RNF115: variants seen among roughly 807,000 people sequenced by gnomAD.
RNF115 encodes ring finger protein 115.
Under a neutral mutation model 39.2 loss-of-function variants are expected in RNF115, and 31 were observed. The observed-to-expected ratio is 0.79, with a 90% confidence interval of 0.59 to 1.07. The LOEUF (loss-of-function observed/expected upper bound fraction) is 1.07. RNF115 is among the 50% of genes least tolerant of loss of function. The pLI, the probability that RNF115 is intolerant of heterozygous loss-of-function variation, is 0.00. For missense variants in RNF115, 384 were observed against 381.7 expected (o/e 1.01, Z -0.05); for synonymous variants, 124 against 131.0 (o/e 0.95, Z 0.37).
At chr1:145,759,848 CCTT>C (rs1658435704) in intron 4 of RNF115, among the ~76,000 whole-genome samples, 1 of 152,008 alleles carries the variant, frequency 6.6e-6, no homozygotes, top group Non-Finnish European at 1.5e-5. Context: ...ATTGGTCTCT[CCTT>C]GTTTGTCCAT....
intron 1 of RNF115, among the ~76,000 whole-genome samples, chr1:145,807,705 C>CTAGCTATT (rs1319262317): frequency 1.3e-5 from 2 of 152,134 alleles, no homozygotes; most frequent in Non-Finnish European, 2.9e-5. Context: ...ATCCTCTCAT[C>CTAGCTATT]TAGCTATTTT....
chr1:145,771,804 T>A lies in RNF115; in HGVS notation c.335A>T (p.Asp112Val). 1 of 1,614,122 alleles carries A rather than the reference T, an allele frequency of 6.2e-7. No individual in the cohort carries two copies. Among genetic ancestry groups the A allele is most frequent in the Middle Eastern group, 1.6e-4 (1 of 6,062 alleles). ...ANERGHQTHTDFWGARPPRLP... is the reference protein window; with the variant it reads ...ANERGHQTHTVFWGARPPRLP... Reference sequence around the variant, plus strand: ...CCGTGGAGGTCTTGCTCCCCAGAAGTCAGTGTGAGTCTGGTGACCCCTTTC... The same window carrying A: ...CCGTGGAGGTCTTGCTCCCCAGAAGACAGTGTGAGTCTGGTGACCCCTTTC... The change falls in exon 4 of 9, where the codon GAC becomes GTC. Residue 112 changes from aspartate to valine, a missense_variant. By Grantham distance (152) the Asp-to-Val change is radical. Transcript: ENST00000582693.
chr1:145,820,370 T>C (rs1462452044), intron 1 of RNF115, among the ~76,000 whole-genome samples: 2 of 151,476 alleles, frequency 1.3e-5, no homozygotes, highest in Non-Finnish European at 2.9e-5. Context: ...GAGGATATAG[T>C]GGGAGGACAC....
chr1:145,811,473 T>G (rs1649701845), intron 1 of RNF115, among the ~76,000 whole-genome samples: 1 of 144,216 alleles, frequency 6.9e-6, no homozygotes, highest in African/African-American at 2.5e-5. Context: ...GGTATTTAAG[T>G]TGCAAATACC....
chr1:145,819,800 G>C (rs1308274011), intron 1 of RNF115, among the ~76,000 whole-genome samples: 15 of 152,222 alleles, frequency 9.9e-5, no homozygotes, highest in Non-Finnish European at 1.5e-4. Context: ...CACTTTGGGG[G>C]GCCAAGGCAG....
intron 1 of RNF115, among the ~76,000 whole-genome samples, chr1:145,804,822 T>C (rs1277392671): frequency 6.6e-6 from 1 of 152,144 alleles, no homozygotes; most frequent in Non-Finnish European, 1.5e-5. Flanking sequence ...TTCCATGTCA[T>C]AAAAGGGGAA....
chr1:145,813,466 A>G (rs1649824360), intron 1 of RNF115, among the ~76,000 whole-genome samples: 1 of 152,116 alleles, frequency 6.6e-6, no homozygotes, highest in African/African-American at 2.4e-5. Flanking sequence ...AATTACATGC[A>G]GTGTTTCTAT....
chr1:145,747,083 C>G, intron 8 of RNF115, 86 bp from the exon 9 acceptor site: 2 of 1,353,228 alleles, frequency 1.5e-6, no homozygotes, highest in Non-Finnish European at 2.0e-6. Flanking sequence ...TGAGAATTGT[C>G]ACATCAAAAA....
chr1:145,820,536 G>C (rs1650188544), intron 1 of RNF115, among the ~76,000 whole-genome samples: 1 of 151,704 alleles, frequency 6.6e-6, no homozygotes, highest in Admixed American at 6.6e-5. Flanking sequence ...TCGAGATGGA[G>C]ACCATCCTGG....
chr1:145,808,557 A>G (rs1417251063), intron 1 of RNF115, among the ~76,000 whole-genome samples: 1 of 152,162 alleles, frequency 6.6e-6, no homozygotes, highest in Non-Finnish European at 1.5e-5. Flanking sequence ...AGTTTCAACA[A>G]CCCTTTAATC....
At chr1:145,790,052 T>C (rs1219544300) in intron 1 of RNF115, among the ~76,000 whole-genome samples, 1 of 152,186 alleles carries the variant, frequency 6.6e-6, no homozygotes, top group African/African-American at 2.4e-5. Flanking sequence ...ATAAAATATT[T>C]GCAGAATTGC....
In RNF115 at chr1:145,765,081, ATTC is replaced by A. The variant is rs1658716294; in HGVS notation, c.428+6627_428+6629del. On this transcript the variant is annotated intron_variant, in intron 4 of 8. Coordinates refer to ENST00000582693, the MANE Select transcript of RNF115 (RefSeq NM_014455.4). ...TTCATTTTGTTCTGTACTAAGAAAA[ATTC>A]TTCTGCCTTGGGATGCTGTTGATCT... Among the ~76,000 whole-genome samples, 7 of 152,336 alleles carry A rather than the reference ATTC, an allele frequency of 4.6e-5. No homozygotes were observed. The South Asian group carries it at 1.5e-3, about 32-fold the overall frequency.
chr1:145,772,042 G>A lies in RNF115; in HGVS notation c.220-123C>T, dbSNP rs587775898. On this transcript the variant is annotated intron_variant, in intron 3 of 8. Transcript: ENST00000582693. ...ATTACTGTATGTCTTCTTCTGCAGAGGTACCAGAGTTTCTATATTTTTGGT... is the reference window on the plus strand; with the variant it reads ...ATTACTGTATGTCTTCTTCTGCAGAAGTACCAGAGTTTCTATATTTTTGGT... The A allele has an allele frequency of 5.3e-6, 4 of 761,440 alleles. No homozygotes were observed. In the South Asian group the frequency reaches 7.6e-5, roughly 14 times the overall value. The allele number at this position is 761,440 out of a possible 1,614,324, so 47.2% of individuals were successfully genotyped here.
intron 4 of RNF115, among the ~76,000 whole-genome samples, chr1:145,764,188 T>C (rs1246507814): frequency 6.6e-6 from 1 of 152,326 alleles, no homozygotes; most frequent in East Asian, 1.9e-4. Context: ...GGTGCCGGGA[T>C]TGCAGACGGA....
At chr1:145,782,452 T>TC (rs1483521028) in intron 3 of RNF115, among the ~76,000 whole-genome samples, 1 of 151,938 alleles carries the variant, frequency 6.6e-6, no homozygotes, top group Non-Finnish European at 1.5e-5. Flanking sequence ...CCCCATCTCT[T>TC]AAAAACACAC....
intron 7 of RNF115, among the ~76,000 whole-genome samples, chr1:145,749,383 C>A (rs1226888025): frequency 6.6e-6 from 1 of 152,142 alleles, no homozygotes; most frequent in Non-Finnish European, 1.5e-5. Flanking sequence ...ATCCCCAGCT[C>A]CTCTTCACTT....
chr1:145,748,899 T>G (rs1387032082), intron 7 of RNF115, among the ~76,000 whole-genome samples: 1 of 150,006 alleles, frequency 6.7e-6, no homozygotes, highest in Non-Finnish European at 1.5e-5. Flanking sequence ...AAAAAAAAAT[T>G]ATTAATAAAA....
chr1:145,793,668 G>A (rs1648789895), intron 1 of RNF115, among the ~76,000 whole-genome samples: 1 of 151,482 alleles, frequency 6.6e-6, no homozygotes, highest in South Asian at 2.1e-4. Flanking sequence ...ATATCAGTTT[G>A]CTCATACTAG....
intron 1 of RNF115, among the ~76,000 whole-genome samples, chr1:145,789,582 G>C (rs587712362): frequency 8.0e-5 from 12 of 149,308 alleles, no homozygotes; most frequent in Non-Finnish European, 1.8e-4. Context: ...ATTTTTAGGA[G>C]AGACGAGGTT....
Sources: allele counts gnomAD v4.1 joint callset (sites outside exome capture counted in the v4.1 genomes callset), GRCh38; gene constraint gnomAD v4.1.1; transcripts MANE v1.5; gene names NCBI Gene and HGNC (gene_info 2026-07-23, HGNC 2026-07-21).